SLC2A13: variants seen among roughly 807,000 people sequenced by gnomAD.
SLC2A13 encodes solute carrier family 2 member 13, also known as proton myo-inositol cotransporter.
Under a neutral mutation model 64.4 loss-of-function variants are expected in SLC2A13, and 32 were observed. The ratio of observed to expected loss-of-function variants is 0.50; its 90% CI spans 0.37 to 0.67. The LOEUF is 0.67. Ranked by LOEUF, SLC2A13 falls within the 30% of genes least tolerant of loss-of-function variation. The pLI is 0.00. For missense variants in SLC2A13, 743 were observed against 829.2 expected, an observed-to-expected ratio of 0.90 and a Z score of 1.28; for synonymous variants, 338 against 327.1, an observed-to-expected ratio of 1.03 and a Z score of -0.36.
At chr12:40,021,682 G>A (rs1411724906) in intron 3 of SLC2A13, among the ~76,000 whole-genome samples, 1 of 152,138 alleles carries the variant, frequency 6.6e-6, no homozygotes, top group Non-Finnish European at 1.5e-5. Flanking sequence ...TCTATTTAAA[G>A]TTCACCTAGT....
chr12:39,931,535 G>A (rs537828263), intron 4 of SLC2A13, among the ~76,000 whole-genome samples: 8 of 152,224 alleles, frequency 5.3e-5, no homozygotes, highest in African/African-American at 9.6e-5. Flanking sequence ...TGCTGGGGTC[G>A]GGAGAAAATA....
intron 7 of SLC2A13, among the ~76,000 whole-genome samples, chr12:39,814,855 C>G (rs978595522): frequency 6.6e-6 from 1 of 152,184 alleles, no homozygotes; most frequent in Non-Finnish European, 1.5e-5. Flanking sequence ...GCATATTTCA[C>G]AATATGCATT....
rs1007182609 is a variant in SLC2A13 at position 39,785,551 on chromosome 12, G to A, written c.1446-20693C>T. Among the ~76,000 whole-genome samples, 4 of 152,212 alleles carry A rather than the reference G, an allele frequency of 2.6e-5. No homozygotes were observed. In the East Asian group the frequency reaches 7.7e-4, roughly 29 times the overall value. On this transcript the variant is annotated intron_variant, in intron 7 of 9. Transcript: ENST00000280871. ...AATGTGGGGTCAGAGCCCCCACAGA[G>A]AGTCCCTACTGGGGCACTGCCTGGT... is the stretch of plus-strand genomic sequence containing the variant.
At position 40,105,994 on chromosome 12, in the gene SLC2A13, C is replaced by T. The variant is rs991488803; in HGVS notation, c.-186G>A. ...CTCCGGGGAGAAAGTTGCTGCCCGCCGCGCTCCGACGCTGCGGAGTTGGAG... is the reference window on the plus strand; with the variant it reads ...CTCCGGGGAGAAAGTTGCTGCCCGCTGCGCTCCGACGCTGCGGAGTTGGAG... On this transcript the variant is annotated 5_prime_UTR_variant, in exon 1 of 10. Transcript: ENST00000280871. This position sits in a 1 kb window ranked among gnomAD's most constrained non-coding sequence, Gnocchi z 4.2. 1.6e-6 allele frequency: 1 copy of T among 606,428 alleles called. No individual in the cohort carries two copies. Among genetic ancestry groups the T allele is most frequent in the Non-Finnish European group, 2.5e-6 (1 of 405,600 alleles). 37.6% of individuals were successfully genotyped at this position (606,428 alleles called of 1,614,324 possible).
chr12:40,042,691 G>A (rs1020954514), intron 2 of SLC2A13, among the ~76,000 whole-genome samples: 1 of 152,072 alleles, frequency 6.6e-6, no homozygotes, highest in Non-Finnish European at 1.5e-5. Context: ...TATTTACTAT[G>A]TTCTGCGCCC....
chr12:39,836,493 A>C (rs1417972498), intron 6 of SLC2A13, among the ~76,000 whole-genome samples: 1 of 151,920 alleles, frequency 6.6e-6, no homozygotes, highest in African/African-American at 2.4e-5. Flanking sequence ...GGCCAGGGCA[A>C]TTAGGCAGGA....
At chr12:39,859,735 CG>C (rs1943708844) in intron 6 of SLC2A13, among the ~76,000 whole-genome samples, 1 of 152,014 alleles carries the variant, frequency 6.6e-6, no homozygotes, top group African/African-American at 2.4e-5. Flanking sequence ...CCATGTTGGC[CG>C]GGCTGGTCTC....
intron 4 of SLC2A13, among the ~76,000 whole-genome samples, chr12:39,946,750 C>T (rs976061126): frequency 1.3e-5 from 2 of 152,144 alleles, no homozygotes; most frequent in Admixed American, 6.5e-5. Flanking sequence ...AGGCGGAGGG[C>T]GAGATGGGCT....
intron 4 of SLC2A13, among the ~76,000 whole-genome samples, chr12:39,910,863 C>G (rs114404080): frequency 2.0e-5 from 3 of 151,816 alleles, no homozygotes; most frequent in African/African-American, 7.3e-5. Context: ...GGCAGGTGGA[C>G]CACGAAGTCA....
At chr12:39,872,263 T>A (rs1362485317) in intron 4 of SLC2A13, among the ~76,000 whole-genome samples, 1 of 152,204 alleles carries the variant, frequency 6.6e-6, no homozygotes, top group African/African-American at 2.4e-5. Context: ...GTAGTTTCAC[T>A]AAAACTGTAT....
Position 40,105,191 on chromosome 12 carries a change from C to T in SLC2A13, c.556+62G>A, listed in dbSNP as rs1939265155. On this transcript the variant is annotated intron_variant, in intron 1 of 9. Transcript: ENST00000280871. This position sits in a 1 kb window ranked among gnomAD's most constrained non-coding sequence, Gnocchi z 4.2. The stretch of plus-strand genomic sequence containing the variant: ...ACCCCGATGGGCAAGAGGCACGCAA[C>T]ACCCAGGGTCAAGGGCGGTGACAAT... 4 of 1,450,808 alleles carry T rather than the reference C, an allele frequency of 2.8e-6. No individual in the cohort carries two copies. The South Asian group carries it at 4.3e-5, about 15-fold the overall frequency. The allele number at this position is 1,450,808 out of a possible 1,614,324, so 89.9% of individuals were successfully genotyped here.
rs1182314165 is a variant in SLC2A13 at position 39,978,999 on chromosome 12, A to G, written c.926-27634T>C. Among the ~76,000 whole-genome samples the G allele has an allele frequency of 3.6e-3, 539 of 150,444 alleles. 7 individuals carry two copies. Among genetic ancestry groups the G allele is most frequent in the South Asian group, 0.035 (160 of 4,618 alleles). On this transcript the variant is annotated intron_variant, in intron 3 of 9. Transcript: ENST00000280871. ...CTGAGAACGGGCAGACTGCCTCCTCAAGTGGGTCCCTGACCCCTGACCCCC... is the reference window on the plus strand; with the variant it reads ...CTGAGAACGGGCAGACTGCCTCCTCGAGTGGGTCCCTGACCCCTGACCCCC...
intron 3 of SLC2A13, among the ~76,000 whole-genome samples, chr12:40,024,513 G>C (rs1947772917): frequency 6.6e-6 from 1 of 152,130 alleles, no homozygotes; most frequent in African/African-American, 2.4e-5. Context: ...TCTTCAGAGA[G>C]GCTTTCCTAA....
intron 6 of SLC2A13, among the ~76,000 whole-genome samples, chr12:39,842,806 A>G (rs1217301303): frequency 6.6e-6 from 1 of 151,914 alleles, no homozygotes; most frequent in African/African-American, 2.4e-5. Context: ...GCAACCACGA[A>G]TCTACTCTTT....
intron 3 of SLC2A13, among the ~76,000 whole-genome samples, chr12:40,016,830 C>G (rs904625173): frequency 1.1e-4 from 16 of 152,090 alleles, no homozygotes; most frequent in African/African-American, 3.9e-4. Context: ...CTTATAAATA[C>G]TTGATGTCAA....
chr12:39,976,291 G>A (rs1946755874), intron 3 of SLC2A13, among the ~76,000 whole-genome samples: 1 of 152,220 alleles, frequency 6.6e-6, no homozygotes. Flanking sequence ...CCAGGACTCT[G>A]TATGGTAGGC....
intron 4 of SLC2A13, among the ~76,000 whole-genome samples, chr12:39,901,209 T>A (rs1945095716): frequency 1.3e-5 from 2 of 152,156 alleles, no homozygotes; most frequent in Non-Finnish European, 2.9e-5. Flanking sequence ...ATTAAAGACT[T>A]AAACGTTAGA....
chr12:39,921,144 T>C (rs1163646506), intron 4 of SLC2A13, among the ~76,000 whole-genome samples: 1 of 152,108 alleles, frequency 6.6e-6, no homozygotes, highest in Non-Finnish European at 1.5e-5. Context: ...AGCACTAGGA[T>C]TATCTATATA....
chr12:39,879,264 T>C (rs1032340309), intron 4 of SLC2A13, among the ~76,000 whole-genome samples: 1 of 152,174 alleles, frequency 6.6e-6, no homozygotes, highest in African/African-American at 2.4e-5. Context: ...AAATGTGGGG[T>C]TGAGCCCTCA....
Sources: gnomAD v4.1 joint callset for allele counts (sites outside exome capture counted in the v4.1 genomes callset) on GRCh38, gnomAD v4.1.1 for gene constraint, Gnocchi (gnomAD v3.1) non-coding constraint, MANE v1.5 for transcripts, NCBI Gene and HGNC (gene_info 2026-07-23, HGNC 2026-07-21) for gene names.